GRID1: variants seen among roughly 807,000 people sequenced by gnomAD.
The protein encoded by GRID1 is glutamate receptor ionotropic, delta-1.
Under a neutral mutation model 98.0 loss-of-function variants are expected in GRID1, and 28 were observed. That is an observed-to-expected ratio of 0.29 (90% confidence interval 0.21 to 0.39). The LOEUF (loss-of-function observed/expected upper bound fraction) is 0.39, where lower values mean the gene tolerates loss of function less well. GRID1 is among the 10% of genes least tolerant of loss of function. The pLI, the probability that GRID1 is intolerant of heterozygous loss-of-function variation, is 1.00. For synonymous variants in GRID1, 553 were observed against 538.5 expected, an observed-to-expected ratio of 1.03 and a Z score of -0.37; for missense variants, 1,111 against 1,340.5, an observed-to-expected ratio of 0.83 and a Z score of 2.67.
intron 4 of GRID1, among the ~76,000 whole-genome samples, chr10:85,931,800 C>A (rs1841853719): frequency 6.6e-6 from 1 of 152,220 alleles, no homozygotes; most frequent in Admixed American, 6.5e-5. Flanking sequence ...TAATATGAAG[C>A]ATTAAGAAGC....
intron 2 of GRID1, among the ~76,000 whole-genome samples, chr10:86,266,620 C>A (rs1847108196): frequency 6.6e-6 from 1 of 152,238 alleles, no homozygotes; most frequent in African/African-American, 2.4e-5. Context: ...CAGCTCAGAG[C>A]CGCCAGGCCC....
At chr10:85,636,072 A>T (rs1843037168) in intron 13 of GRID1, among the ~76,000 whole-genome samples, 1 of 152,336 alleles carries the variant, frequency 6.6e-6, no homozygotes, top group South Asian at 2.1e-4. Flanking sequence ...GGAGAAACTT[A>T]ACCTCACACC....
chr10:86,130,124 T>C (rs1327023154), intron 4 of GRID1, among the ~76,000 whole-genome samples: 1 of 152,240 alleles, frequency 6.6e-6, no homozygotes, highest in Non-Finnish European at 1.5e-5. Context: ...ATCCAGTGAA[T>C]CTAACCCAGG....
chr10:86,267,668 T>C (rs1215878372), intron 2 of GRID1, among the ~76,000 whole-genome samples: 2 of 152,120 alleles, frequency 1.3e-5, no homozygotes, highest in East Asian at 3.9e-4. Context: ...TCCACGGCCA[T>C]GGCTCAGCTG....
chr10:85,969,086 T>C lies in GRID1; in HGVS notation c.727-52847A>G, dbSNP rs773691406. 2.0e-5 allele frequency among the ~76,000 whole-genome samples: 3 copies of C among 152,304 alleles called. No homozygotes were observed. In the South Asian group the frequency reaches 6.2e-4, roughly 32 times the overall value. Reference sequence around the variant, plus strand: ...ATAGACTTTAAGACAAAAGTGCTATTGAACACAAAAGGAACATTTTATAAT... The same window carrying C: ...ATAGACTTTAAGACAAAAGTGCTATCGAACACAAAAGGAACATTTTATAAT... On this transcript the variant is annotated intron_variant, in intron 4 of 15. Coordinates refer to ENST00000327946, the MANE Select transcript of GRID1 (RefSeq NM_017551.3).
chr10:85,606,079 C>A (rs1321876686), intron 15 of GRID1: 2 of 152,218 alleles, frequency 1.3e-5, no homozygotes, highest in Non-Finnish European at 2.9e-5. Context: ...AGCCCTCAGA[C>A]TGAATGTGGA....
chr10:85,749,096 T>C (rs1842023447), intron 8 of GRID1, among the ~76,000 whole-genome samples: 2 of 152,202 alleles, frequency 1.3e-5, no homozygotes, highest in South Asian at 4.1e-4. Context: ...TTGTAACAGA[T>C]ATCCCTATTT....
chr10:85,661,334 T>A (rs1024630695), intron 12 of GRID1, among the ~76,000 whole-genome samples: 54 of 152,314 alleles, frequency 3.5e-4, no homozygotes, highest in South Asian at 2.1e-4. Context: ...TGATATTTCA[T>A]GATTCTATGG....
intron 12 of GRID1, among the ~76,000 whole-genome samples, chr10:85,669,107 T>C (rs1371443841): frequency 6.6e-6 from 1 of 152,226 alleles, no homozygotes; most frequent in African/African-American, 2.4e-5. Flanking sequence ...TGAGTAAGCA[T>C]GTGGCCCAAA....
rs1053387966 is a variant in GRID1, at chr10:85,602,526, G to A, written c.2777C>T (p.Ser926Leu). 1.2e-5 allele frequency: 20 copies of A among 1,614,020 alleles called. No individual in the cohort carries two copies. The highest frequency in any genetic ancestry group is 2.7e-5 in the African/African-American group (2 of 74,926). ...PTREYQNTQL[S>L]VSTFLPEQSS... is the part of the protein sequence containing the mutation. ...CTGCTCTGGCAGAAAGGTGCTGACC[G>A]AGAGCTGGGTGTTCTGGTACTCCCG... Residue 926 changes from serine (S) to leucine (L), a missense_variant, in exon 16 of 16, where the codon TCG (serine) becomes TTG (leucine). By Grantham distance (145) the Ser-to-Leu change is moderately radical. Coordinates refer to ENST00000327946, the MANE Select transcript of GRID1 (RefSeq NM_017551.3).
intron 12 of GRID1, among the ~76,000 whole-genome samples, chr10:85,721,891 T>G (rs1841706820): frequency 6.6e-6 from 1 of 152,190 alleles, no homozygotes; most frequent in African/African-American, 2.4e-5. Context: ...GAACAGTGAA[T>G]AAAATCAGTC....
chr10:85,701,826 G>A (rs1361574855), intron 12 of GRID1, among the ~76,000 whole-genome samples: 3 of 152,080 alleles, frequency 2.0e-5, no homozygotes, highest in Non-Finnish European at 4.4e-5. Context: ...GGACTTGGGG[G>A]CAAGGGTGGG....
chr10:85,720,952 C>T (rs10736336), intron 12 of GRID1, among the ~76,000 whole-genome samples: 99,967 of 151,956 alleles, frequency 0.66, 33,869 homozygotes, highest in African/African-American at 0.83. Flanking sequence ...ATTTGCTGAC[C>T]GCATATCTGA....
At chr10:86,184,826 T>A (rs888256843) in intron 3 of GRID1, among the ~76,000 whole-genome samples, 1 of 152,188 alleles carries the variant, frequency 6.6e-6, no homozygotes, top group Non-Finnish European at 1.5e-5. Context: ...AACATCAATA[T>A]ACAAAAATCC....
intron 4 of GRID1, among the ~76,000 whole-genome samples, chr10:85,975,553 T>C (rs1354986955): frequency 6.6e-6 from 1 of 152,182 alleles, no homozygotes; most frequent in African/African-American, 2.4e-5. Context: ...TCATCTGTGG[T>C]TGGGATCAAC....
At chr10:85,929,375 A>T (rs1841819554) in intron 4 of GRID1, among the ~76,000 whole-genome samples, 1 of 152,152 alleles carries the variant, frequency 6.6e-6, no homozygotes, top group Admixed American at 6.5e-5. Flanking sequence ...CCTCAGCAAC[A>T]TCTGTTCCAT....
chr10:86,275,700 T>C (rs1254077898), intron 2 of GRID1, among the ~76,000 whole-genome samples: 1 of 152,008 alleles, frequency 6.6e-6, no homozygotes, highest in African/African-American at 2.4e-5. Flanking sequence ...AACTTAAAGA[T>C]AGGACAACTG....
At chr10:85,607,174 T>C (rs918743580) in intron 15 of GRID1, 5 of 152,224 alleles carry the variant, frequency 3.3e-5, no homozygotes, top group African/African-American at 1.2e-4. Flanking sequence ...TAAGCTGCTG[T>C]TCACCAATGT....
chr10:85,710,365 A>G (rs1841568687), intron 12 of GRID1, among the ~76,000 whole-genome samples: 2 of 152,164 alleles, frequency 1.3e-5, no homozygotes, highest in African/African-American at 4.8e-5. Context: ...AGACAATTCA[A>G]AGAAGAAAGG....
Sources: gnomAD v4.1 joint callset for allele counts (sites outside exome capture counted in the v4.1 genomes callset) on GRCh38, gnomAD v4.1.1 for gene constraint, MANE v1.5 for transcripts, NCBI Gene and HGNC (gene_info 2026-07-23, HGNC 2026-07-21) for gene names.